The following PARD3B variants were observed in gnomAD, a reference collection of about 807,000 sequenced individuals.
PARD3B encodes partitioning defective 3 homolog B.
A neutral mutation model predicts 130.2 loss-of-function variants in PARD3B; 103 were observed. The observed-to-expected ratio is 0.79, with a 90% CI of 0.67 to 0.93. The LOEUF (loss-of-function observed/expected upper bound fraction) is 0.93. Ranked by LOEUF, PARD3B falls within the 40% of genes least tolerant of loss-of-function variation. The probability of loss-of-function intolerance (pLI) is 0.00; values close to 1 mark genes in which losing one functional copy is unlikely to be tolerated. For missense variants in PARD3B, 1,609 were observed against 1,499.2 expected (o/e 1.07, Z -1.21); for synonymous variants, 583 against 553.2 (o/e 1.05, Z -0.76).
At chr2:204,660,722 G>A (rs1256453975) in intron 1 of PARD3B, among the ~76,000 whole-genome samples, 1 of 152,084 alleles carries the variant, frequency 6.6e-6, no homozygotes, top group East Asian at 1.9e-4. Context: ...TCCCCCCTCT[G>A]TGAAATTATT....
At chr2:205,443,392 C>T (rs1483137709) in intron 20 of PARD3B, among the ~76,000 whole-genome samples, 1 of 152,070 alleles carries the variant, frequency 6.6e-6, no homozygotes, top group African/African-American at 2.4e-5. Context: ...CTATAGAAAG[C>T]TTTAGGGAAG....
chr2:204,755,370 A>T (rs2040623082), intron 2 of PARD3B, among the ~76,000 whole-genome samples: 1 of 152,268 alleles, frequency 6.6e-6, no homozygotes, highest in Admixed American at 6.5e-5. Flanking sequence ...CCCGAAAGGC[A>T]GAAGTTAAAA....
chr2:204,952,912 G>T (rs1689898613), intron 2 of PARD3B, among the ~76,000 whole-genome samples: 1 of 151,458 alleles, frequency 6.6e-6, no homozygotes, highest in South Asian at 2.1e-4. Context: ...CAGGAGAATG[G>T]CGTGAACCCA....
intron 14 of PARD3B, among the ~76,000 whole-genome samples, chr2:205,191,777 T>A (rs1921803): frequency 0.78 from 118,850 of 152,044 alleles, 47,171 homozygotes; most frequent in East Asian, 0.97. Flanking sequence ...TAGTTGACAC[T>A]GCTAGTAAGT....
intron 18 of PARD3B, among the ~76,000 whole-genome samples, chr2:205,353,490 A>C (rs1456760010): frequency 6.6e-6 from 1 of 151,330 alleles, no homozygotes; most frequent in Non-Finnish European, 1.5e-5. Flanking sequence ...ATACTCAGTA[A>C]ATTCCTTAAA....
Position 205,455,543 on chromosome 2 carries a change from A to AT in PARD3B, c.3044+14881dup, listed in dbSNP as rs534690111. ...TGTTCTTAATTCTCAACTTTAGTAG[A>AT]TTTTTTTTTTCCATTTGGATGACAG... On this transcript the variant is annotated intron_variant, in intron 20 of 22. Coordinates refer to ENST00000406610, the MANE Select transcript of PARD3B (RefSeq NM_001302769.2). Among the ~76,000 whole-genome samples, 43 of 149,956 alleles carry AT rather than the reference A, an allele frequency of 2.9e-4. 1 individual carries two copies. Among genetic ancestry groups the AT allele is most frequent in the South Asian group, 1.9e-3 (9 of 4,744 alleles).
Position 204,964,995 on chromosome 2 carries a change from T to C in PARD3B, c.223-157T>C, listed in dbSNP as rs373504732. Reference sequence around the variant, plus strand: ...ACCATGGTGCTTATAGACATAATATTATTGAAAAATTAAGAGTTGTGGTAT... The same window carrying C: ...ACCATGGTGCTTATAGACATAATATCATTGAAAAATTAAGAGTTGTGGTAT... On this transcript the variant is annotated intron_variant, in intron 2 of 22. Coordinates refer to ENST00000406610, the MANE Select transcript of PARD3B (RefSeq NM_001302769.2). Among the ~76,000 whole-genome samples the C allele has an allele frequency of 4.6e-5, 7 of 152,272 alleles. No homozygotes were observed. The South Asian group carries it at 1.2e-3, about 27-fold the overall frequency.
At chr2:204,600,933 T>C (rs2033484161) in intron 1 of PARD3B, among the ~76,000 whole-genome samples, 1 of 151,838 alleles carries the variant, frequency 6.6e-6, no homozygotes, top group African/African-American at 2.4e-5. Flanking sequence ...AAATAGGATT[T>C]TTTTTTTCTG....
intron 18 of PARD3B, among the ~76,000 whole-genome samples, chr2:205,331,064 G>A (rs576109012): frequency 1.3e-5 from 2 of 152,118 alleles, no homozygotes; most frequent in Admixed American, 1.3e-4. Context: ...TAGTGTTGGC[G>A]AAAAAGGCAG....
chr2:205,466,840 G>A (rs2106243550), intron 20 of PARD3B, among the ~76,000 whole-genome samples: 1 of 152,312 alleles, frequency 6.6e-6, no homozygotes, highest in African/African-American at 2.4e-5. Flanking sequence ...AGCCTCCTGA[G>A]TAGCTGGGAT....
rs1273582854 is a variant in PARD3B at position 205,238,849 on chromosome 2, A to AAATATATATATATAT, written c.2141-6928_2141-6927insATATATATATATATA. 4.3e-4 allele frequency among the ~76,000 whole-genome samples: 33 copies of AAATATATATATATAT among 76,904 alleles called. 1 individual carries two copies. Among genetic ancestry groups the AAATATATATATATAT allele is most frequent in the Non-Finnish European group, 6.5e-4 (28 of 43,326 alleles). 50.5% of individuals were successfully genotyped at this position (76,904 alleles called of 152,430 possible). A position where few individuals can be genotyped will look rare whatever the true frequency, so the allele number is the denominator to read the frequency against. On this transcript the variant is annotated intron_variant, in intron 15 of 22. Coordinates refer to ENST00000406610, the MANE Select transcript of PARD3B (RefSeq NM_001302769.2). ...AAACTCCGTTTCAAAAAAAAAAAAA[A>AAATATATATATATAT]ATATATATATATATATATATATATA...
chr2:205,487,044 T>C (rs114058807), intron 20 of PARD3B, among the ~76,000 whole-genome samples: 195 of 152,330 alleles, frequency 1.3e-3, no homozygotes, highest in African/African-American at 4.6e-3. Context: ...GTTTATTACA[T>C]AGCACGATTT....
intron 2 of PARD3B, among the ~76,000 whole-genome samples, chr2:204,817,788 T>C (rs1372808408): frequency 6.6e-6 from 1 of 152,164 alleles, no homozygotes; most frequent in Non-Finnish European, 1.5e-5. Flanking sequence ...GACAGGAAAC[T>C]TTGTAGGCAG....
At chr2:204,899,214 C>CCCCTCCTT (rs1450376521) in intron 2 of PARD3B, among the ~76,000 whole-genome samples, 1 of 111,720 alleles carries the variant, frequency 9.0e-6, no homozygotes, top group South Asian at 3.7e-4. Flanking sequence ...TCCCTTCCCT[C>CCCCTCCTT]CCCTCCTTCC....
chr2:205,577,733 A>T (rs2053813261), intron 22 of PARD3B, among the ~76,000 whole-genome samples: 1 of 152,168 alleles, frequency 6.6e-6, no homozygotes. Flanking sequence ...AGGGATCTTC[A>T]CTTAGGTTAA....
chr2:205,257,300 T>C (rs1277710157), intron 16 of PARD3B, among the ~76,000 whole-genome samples: 1 of 151,770 alleles, frequency 6.6e-6, no homozygotes, highest in East Asian at 1.9e-4. Flanking sequence ...AGTTACCTTT[T>C]GAATGAAAAC....
At chr2:204,727,976 G>A (rs962513864) in intron 2 of PARD3B, among the ~76,000 whole-genome samples, 22 of 152,136 alleles carry the variant, frequency 1.4e-4, no homozygotes, top group Non-Finnish European at 2.6e-4. Flanking sequence ...GCAGCAGTCA[G>A]GGGGCTGGGT....
intron 15 of PARD3B, among the ~76,000 whole-genome samples, chr2:205,218,718 C>G (rs2038079976): frequency 6.6e-6 from 1 of 152,102 alleles, no homozygotes; most frequent in African/African-American, 2.4e-5. Flanking sequence ...TACCTTTTCC[C>G]TCCCTTTATT....
intron 21 of PARD3B, among the ~76,000 whole-genome samples, chr2:205,523,530 A>AT (rs1203231708): frequency 6.6e-6 from 1 of 151,998 alleles, no homozygotes; most frequent in Non-Finnish European, 1.5e-5. Flanking sequence ...TATTTAGCCT[A>AT]TTTTCTCTAT....
Sources: gnomAD v4.1 joint callset for allele counts (sites outside exome capture counted in the v4.1 genomes callset) on GRCh38, gnomAD v4.1.1 for gene constraint, MANE v1.5 for transcripts, NCBI Gene and HGNC (gene_info 2026-07-23, HGNC 2026-07-21) for gene names.